The following ATAD5 variants were observed in gnomAD, a reference collection of about 807,000 sequenced individuals.
ATAD5 encodes the protein ATPase family AAA domain-containing protein 5.
Under a neutral mutation model 176.9 loss-of-function variants are expected in ATAD5, and 58 were observed. The observed-to-expected ratio is 0.33, with a 90% CI of 0.27 to 0.41. The LOEUF is 0.41. Among genes scored for constraint, ATAD5 ranks in the 10% least tolerant of loss-of-function variants. The pLI is 1.00. For missense variants in ATAD5, 1,789 were observed against 2,094.1 expected (o/e 0.85, Z 2.84); for synonymous variants, 640 against 712.6 (o/e 0.90, Z 1.62).
chr17:30,882,874 A>T (rs1909106657), intron 18 of ATAD5, among the ~76,000 whole-genome samples: 1 of 152,190 alleles, frequency 6.6e-6, no homozygotes, highest in South Asian at 2.1e-4. Context: ...AGGCTAGAGG[A>T]GCTAGGTAGA....
intron 19 of ATAD5, among the ~76,000 whole-genome samples, chr17:30,890,423 T>TTC (rs1909574917): frequency 8.7e-6 from 1 of 114,996 alleles, no homozygotes. Context: ...CTTTTCTTTT[T>TTC]TTTTTTTTTT....
chr17:30,833,275 T>C (rs1905491833), intron 1 of ATAD5, among the ~76,000 whole-genome samples: 1 of 152,226 alleles, frequency 6.6e-6, no homozygotes, highest in Admixed American at 6.5e-5. Context: ...GTACTTGATG[T>C]ACACAGTTCT....
At position 30,865,738 on chromosome 17, in the gene ATAD5, G is replaced by A. The variant is rs1907941503; in HGVS notation, c.3171G>A (p.Lys1057=). 1.9e-6 allele frequency: 3 copies of A among 1,587,778 alleles called. No homozygotes were observed. Among genetic ancestry groups the A allele is most frequent in the Non-Finnish European group, 2.6e-6 (3 of 1,170,968 alleles). The stretch of plus-strand genomic sequence containing the variant: ...CTGAAGACATGCTTTGGACAGAAAA[G>A]TATCAACCTCAGACTGCCAGTGAAC... ...SGTEDMLWTE[K]YQPQTASELI... is the part of the protein sequence containing the mutation. Residue 1057 remains lysine (K), a synonymous_variant, in exon 11 of 23, where the codon AAG becomes AAA. Coordinates refer to ENST00000321990, the MANE Select transcript of ATAD5 (RefSeq NM_024857.5).
intron 6 of ATAD5, among the ~76,000 whole-genome samples, chr17:30,848,077 G>A (rs148692289): frequency 0.012 from 1,811 of 152,192 alleles, 17 homozygotes; most frequent in Admixed American, 0.019. Flanking sequence ...TTTTTCTTGG[G>A]TAAATAAATA....
Position 30,847,809 on chromosome 17 carries a change from C to T in ATAD5, c.2450+2893C>T, listed in dbSNP as rs149521111. Among the ~76,000 whole-genome samples, 40 of 148,776 alleles carry T rather than the reference C, an allele frequency of 2.7e-4. No individual in the cohort carries two copies. In the East Asian group the frequency reaches 7.7e-3, roughly 28 times the overall value. On this transcript the variant is annotated intron_variant, in intron 6 of 22. Transcript: ENST00000321990. ...GTCTAGGCTCACTGTAACCTCCGCC[C>T]CCCGGGTTTATGCCATTCTCCTGCC...
chr17:30,865,698 C>A lies in ATAD5; in HGVS notation c.3137-6C>A, dbSNP rs200494735. The A allele has an allele frequency of 2.1e-6, 3 of 1,442,044 alleles. No individual in the cohort carries two copies. Among genetic ancestry groups the A allele is most frequent in the African/African-American group, 1.5e-5 (1 of 64,786 alleles). The allele number at this position is 1,442,044 out of a possible 1,614,324, so 89.3% of individuals were successfully genotyped here. A position where few individuals can be genotyped will look rare whatever the true frequency, so the allele number is the denominator to read the frequency against. ...AATACCTTAATTTTTTTTTTTTTTG[C>A]TTTAGATTCTGGAACTGAAGACATG... is the stretch of plus-strand genomic sequence containing the variant. On this transcript the variant is annotated splice_region_variant and splice_polypyrimidine_tract_variant and intron_variant, in intron 10 of 22. Coordinates refer to ENST00000321990, the MANE Select transcript of ATAD5 (RefSeq NM_024857.5).
chr17:30,877,929 A>G (rs1181630494), intron 16 of ATAD5, 74 bp from the exon 17 acceptor site: 2 of 1,082,018 alleles, frequency 1.8e-6, no homozygotes, highest in Middle Eastern at 3.0e-4. Flanking sequence ...TCTAACAGAC[A>G]TAGAATATTT....
chr17:30,865,826 G>T, intron 11 of ATAD5, 26 bp downstream of exon 11: 1 of 1,381,310 alleles, frequency 7.2e-7, no homozygotes, highest in Non-Finnish European at 9.9e-7. Context: ...AAGGAATTGA[G>T]AAATAGTTTA....
At chr17:30,845,083 G>A (rs925523729) in intron 6 of ATAD5, among the ~76,000 whole-genome samples, 167 bp downstream of exon 6, 1 of 152,050 alleles carries the variant, frequency 6.6e-6, no homozygotes. Context: ...TGAATATCTT[G>A]GTTTTTTGCA....
intron 3 of ATAD5, among the ~76,000 whole-genome samples, chr17:30,840,244 A>G (rs1244158457): frequency 6.7e-6 from 1 of 149,748 alleles, no homozygotes; most frequent in Non-Finnish European, 1.5e-5. Context: ...AGGTCCATGT[A>G]TTATAATACT....
chr17:30,852,642 TAGTG>T (rs1366810257), intron 6 of ATAD5, among the ~76,000 whole-genome samples: 2 of 152,126 alleles, frequency 1.3e-5, no homozygotes, highest in East Asian at 1.9e-4. Flanking sequence ...GCTTGGCTGT[TAGTG>T]AGGCCTCAGT....
At chr17:30,842,194 G>A (rs966410147) in intron 4 of ATAD5, among the ~76,000 whole-genome samples, 8 of 152,010 alleles carry the variant, frequency 5.3e-5, no homozygotes, top group African/African-American at 1.4e-4. Context: ...ACTTGAACCC[G>A]GGAGGCGGAG....
intron 14 of ATAD5, 106 bp downstream of exon 14, chr17:30,869,752 G>A (rs1050956528): frequency 1.9e-5 from 24 of 1,262,890 alleles, no homozygotes; most frequent in Middle Eastern, 2.7e-4. Flanking sequence ...TCTTCTACAC[G>A]TACACGTTTC....
intron 19 of ATAD5, among the ~76,000 whole-genome samples, chr17:30,890,080 G>T (rs1336493742): frequency 6.6e-6 from 1 of 151,394 alleles, no homozygotes; most frequent in African/African-American, 2.4e-5. Flanking sequence ...TAGAGACGGG[G>T]ATCTCACTAT....
chr17:30,876,369 G>T lies in ATAD5; in HGVS notation c.3608-5G>T. ...TATCTTTAAGTGCAATTTGTTTTTGGGCAGAAAAAATAAGCTCCCCTAAGA... is the reference window on the plus strand; with the variant it reads ...TATCTTTAAGTGCAATTTGTTTTTGTGCAGAAAAAATAAGCTCCCCTAAGA... On this transcript the variant is annotated splice_polypyrimidine_tract_variant and splice_region_variant and intron_variant, in intron 14 of 22. Transcript: ENST00000321990. The T allele has an allele frequency of 6.4e-7, 1 of 1,563,564 alleles. No individual in the cohort carries two copies. Among genetic ancestry groups the T allele is most frequent in the Non-Finnish European group, 8.6e-7 (1 of 1,159,672 alleles).
chr17:30,849,231 T>G (rs1906722169), intron 6 of ATAD5, among the ~76,000 whole-genome samples: 1 of 152,178 alleles, frequency 6.6e-6, no homozygotes, highest in South Asian at 2.1e-4. Flanking sequence ...TCCATACACC[T>G]ATTAATGGAC....
At chr17:30,868,970 GGGACTACAGGC>G (rs762447803) in intron 12 of ATAD5, among the ~76,000 whole-genome samples, 23 of 150,542 alleles carry the variant, frequency 1.5e-4, no homozygotes, top group Non-Finnish European at 2.8e-4. Context: ...CCGAGTACCT[GGGACTACAGGC>G]ATGTGTCACC....
At chr17:30,888,006 T>C (rs1180001379) in intron 19 of ATAD5, among the ~76,000 whole-genome samples, 2 of 151,822 alleles carry the variant, frequency 1.3e-5, no homozygotes, top group Non-Finnish European at 2.9e-5. Context: ...TAATTTTTTT[T>C]GTCTTTTTAG....
chr17:30,851,479 G>C (rs1319752319), intron 6 of ATAD5, among the ~76,000 whole-genome samples: 1 of 147,212 alleles, frequency 6.8e-6, no homozygotes, highest in East Asian at 2.0e-4. Flanking sequence ...CTGGGCAACA[G>C]AGCAAGACTC....
Sources: allele counts gnomAD v4.1 joint callset (sites outside exome capture counted in the v4.1 genomes callset), GRCh38; gene constraint gnomAD v4.1.1; transcripts MANE v1.5; gene names NCBI Gene and HGNC (gene_info 2026-07-23, HGNC 2026-07-21).